Variants in TCF7L2 observed in about 807,000 individuals in gnomAD.
TCF7L2 encodes the protein transcription factor 7 like 2.
TCF7L2 carries 23 observed loss-of-function variants against 77.9 expected under a neutral mutation model. The observed-to-expected ratio is 0.30, with a 90% CI of 0.21 to 0.42. The LOEUF is 0.42. Ranked by LOEUF, TCF7L2 falls within the 10% of genes least tolerant of loss-of-function variation. TCF7L2 has a pLI of 1.00. For missense variants in TCF7L2, 654 were observed against 793.1 expected, an observed-to-expected ratio of 0.82 and a Z score of 2.11; for synonymous variants, 413 against 340.2, an observed-to-expected ratio of 1.21 and a Z score of -2.36.
At chr10:113,084,494 C>A (rs575471287) in intron 5 of TCF7L2, among the ~76,000 whole-genome samples, 11 of 152,344 alleles carry the variant, frequency 7.2e-5, no homozygotes, top group Admixed American at 5.2e-4. Context: ...CAAGGAGGAC[C>A]ATCCGCCTTA....
chr10:113,102,245 C>T (rs1469746951), intron 5 of TCF7L2, among the ~76,000 whole-genome samples: 1 of 151,724 alleles, frequency 6.6e-6, no homozygotes. Flanking sequence ...TTGGCTTTGC[C>T]TCTGACCAGC....
intron 5 of TCF7L2, among the ~76,000 whole-genome samples, chr10:113,118,996 T>A (rs1180743514): frequency 6.6e-6 from 1 of 152,214 alleles, no homozygotes; most frequent in Non-Finnish European, 1.5e-5. Flanking sequence ...TCAGGCGCTG[T>A]CATTCGTTCC....
intron 3 of TCF7L2, among the ~76,000 whole-genome samples, chr10:112,962,214 C>A (rs996613935): frequency 3.3e-5 from 5 of 152,010 alleles, no homozygotes; most frequent in Non-Finnish European, 7.4e-5. Context: ...ATATAAGATT[C>A]CTATGGTAAC....
At chr10:113,132,150 T>C (rs1409551773) in intron 5 of TCF7L2, 2 of 152,216 alleles carry the variant, frequency 1.3e-5, no homozygotes, top group African/African-American at 4.8e-5. Context: ...GGTTTGAGCA[T>C]TTGTGTTTGT....
In TCF7L2 at chr10:113,160,616, C is replaced by T. The variant is rs2137461579; in HGVS notation, c.1319-3C>T. On this transcript the variant is annotated splice_region_variant and splice_polypyrimidine_tract_variant and intron_variant, in intron 12 of 13. Coordinates refer to ENST00000627217, the MANE Select transcript of TCF7L2 (RefSeq NM_001146274.2). ...ATTTTTTGTGTTTACCTTATGCTAA[C>T]AGATGCAAATACTCCAAAGAAGTGT... The T allele has an allele frequency of 3.1e-6, 5 of 1,589,290 alleles. No homozygotes were observed. The highest frequency in any genetic ancestry group is 3.4e-6 in the Non-Finnish European group (4 of 1,167,060).
chr10:113,037,279 G>T (rs1437862200), intron 4 of TCF7L2, among the ~76,000 whole-genome samples: 1 of 152,156 alleles, frequency 6.6e-6, no homozygotes, highest in African/African-American at 2.4e-5. Context: ...GCTTGGATTT[G>T]TGTGTACCCA....
Position 113,151,106 on chromosome 10 carries a change from C to T in TCF7L2, c.984C>T (p.Val328=), listed in dbSNP as rs1391072968. The T allele has an allele frequency of 8.1e-6, 13 of 1,614,006 alleles. No homozygotes were observed. The highest frequency in any genetic ancestry group is 2.2e-5 in the East Asian group (1 of 44,892). ...AACAGGAATCGTCCCAGAGTGATGTCGGCTCACTCCATAGTTCGTAAGTGT... is the reference window on the plus strand; with the variant it reads ...AACAGGAATCGTCCCAGAGTGATGTTGGCTCACTCCATAGTTCGTAAGTGT... The change falls in exon 9 of 14, where the codon GTC becomes GTT. Residue 328 remains valine (V), a synonymous_variant. Coordinates refer to ENST00000627217, the MANE Select transcript of TCF7L2 (RefSeq NM_001146274.2). This position sits in a 1 kb window ranked among gnomAD's most constrained non-coding sequence, Gnocchi z 5.2.
At chr10:112,951,121 G>T in intron 1 of TCF7L2, 86 bp from the exon 2 acceptor site, 1 of 1,269,852 alleles carries the variant, frequency 7.9e-7, no homozygotes, top group Admixed American at 2.9e-5. Context: ...CCCCCCCCTC[G>T]ACCTCGCCGA....
intron 13 of TCF7L2, among the ~76,000 whole-genome samples, chr10:113,162,340 C>A (rs2073293001): frequency 6.6e-6 from 1 of 152,060 alleles, no homozygotes; most frequent in Non-Finnish European, 1.5e-5. Context: ...GTTTATGAAT[C>A]CTTTTTTTGT....
At chr10:113,161,667 T>C in intron 13 of TCF7L2, 1 of 1,513,136 alleles carries the variant, frequency 6.6e-7, no homozygotes, top group Non-Finnish European at 8.9e-7. Context: ...CACGTGTCCC[T>C]CCCCTTCATG....
At chr10:113,069,142 T>G (rs1251646484) in intron 5 of TCF7L2, among the ~76,000 whole-genome samples, 3 of 151,484 alleles carry the variant, frequency 2.0e-5, no homozygotes, top group Non-Finnish European at 4.4e-5. Context: ...CGGGATGGGG[T>G]ACGCCCCCTT....
At chr10:112,966,184 T>TTATATTTATATATATATATATATATA (rs1554876897) in intron 4 of TCF7L2, among the ~76,000 whole-genome samples, 2 of 114,280 alleles carry the variant, frequency 1.8e-5, no homozygotes, top group African/African-American at 9.5e-5. Context: ...TAAAATATAT[T>TTATATTTATATATATATATATATATA]TATATATATA....
intron 5 of TCF7L2, among the ~76,000 whole-genome samples, chr10:113,102,101 G>A (rs1190684563): frequency 1.9e-4 from 23 of 118,336 alleles, no homozygotes; most frequent in African/African-American, 7.2e-4. Context: ...GTGACAGAGC[G>A]TGACTCCATC....
At chr10:113,097,650 A>AG (rs2061163461) in intron 5 of TCF7L2, among the ~76,000 whole-genome samples, 1 of 123,950 alleles carries the variant, frequency 8.1e-6, no homozygotes, top group African/African-American at 3.3e-5. Flanking sequence ...GTCTCGGAAA[A>AG]AAAAAAAAAA....
chr10:113,044,400 C>A (rs1305069482), intron 5 of TCF7L2, among the ~76,000 whole-genome samples: 1 of 152,170 alleles, frequency 6.6e-6, no homozygotes, highest in Non-Finnish European at 1.5e-5. Flanking sequence ...AAAACACTAC[C>A]TAGAGAGCAC....
chr10:113,115,767 T>C (rs2063651940), intron 5 of TCF7L2, among the ~76,000 whole-genome samples: 1 of 151,912 alleles, frequency 6.6e-6, no homozygotes, highest in South Asian at 2.1e-4. Flanking sequence ...CAGCGCGCGG[T>C]TTTAAAAACC....
chr10:113,140,352 C>T (rs2068130322), intron 5 of TCF7L2, among the ~76,000 whole-genome samples: 1 of 152,000 alleles, frequency 6.6e-6, no homozygotes, highest in South Asian at 2.1e-4. Flanking sequence ...CCCCACCCTG[C>T]CCTCTGCTTC....
At chr10:113,029,424 T>G (rs1032107951) in intron 4 of TCF7L2, among the ~76,000 whole-genome samples, 2 of 152,254 alleles carry the variant, frequency 1.3e-5, no homozygotes, top group Middle Eastern at 3.4e-3. Flanking sequence ...CCAAGAAGCT[T>G]TGGAGGATAT....
intron 5 of TCF7L2, among the ~76,000 whole-genome samples, chr10:113,131,525 A>G (rs1446060472): frequency 2.0e-5 from 3 of 152,212 alleles, no homozygotes; most frequent in Admixed American, 6.5e-5. Context: ...GTTTACTCAA[A>G]TTACCTGCGT....
Sources: gnomAD v4.1 joint callset for allele counts (sites outside exome capture counted in the v4.1 genomes callset) on GRCh38, gnomAD v4.1.1 for gene constraint, Gnocchi (gnomAD v3.1) non-coding constraint, MANE v1.5 for transcripts, NCBI Gene and HGNC (gene_info 2026-07-23, HGNC 2026-07-21) for gene names.